The following MACROD2 variants were observed in gnomAD, a reference collection of about 807,000 sequenced individuals.
MACROD2 encodes the protein mono-ADP ribosylhydrolase 2.
A neutral mutation model predicts 70.4 loss-of-function variants in MACROD2; 36 were observed. The ratio of observed to expected loss-of-function variants is 0.51; its 90% confidence interval spans 0.39 to 0.68. The LOEUF (loss-of-function observed/expected upper bound fraction) is 0.68, where lower values mean the gene tolerates loss of function less well. Ranked by LOEUF, MACROD2 falls within the 30% of genes least tolerant of loss-of-function variation. MACROD2 has a pLI of 0.00. For missense variants in MACROD2, 496 were observed against 538.4 expected (o/e 0.92, Z 0.78); for synonymous variants, 172 against 178.8 (o/e 0.96, Z 0.30).
intron 2 of MACROD2, among the ~76,000 whole-genome samples, chr20:14,022,661 T>C (rs2053103465): frequency 6.6e-6 from 1 of 152,160 alleles, no homozygotes. Flanking sequence ...GTTCTCATTT[T>C]TCAACTTCCA....
At position 14,835,013 on chromosome 20, in the gene MACROD2, G is replaced by GAAAC. The variant is rs2073013584; in HGVS notation, c.418+150055_418+150056insAACA. 1.4e-4 allele frequency among the ~76,000 whole-genome samples: 22 copies of GAAAC among 152,060 alleles called. No homozygotes were observed. In the South Asian group the frequency reaches 4.6e-3, roughly 32 times the overall value. On this transcript the variant is annotated intron_variant, in intron 5 of 17. Coordinates refer to ENST00000684519, the MANE Select transcript of MACROD2 (RefSeq NM_001351661.2). The stretch of plus-strand genomic sequence containing the variant: ...TGAGTGAGTGAATGATTGAGAAACA[G>GAAAC]ATAGATTCATCAAAGCTGACTCTCC...
chr20:15,751,878 G>T (rs960891227), intron 8 of MACROD2, among the ~76,000 whole-genome samples: 1 of 146,406 alleles, frequency 6.8e-6, no homozygotes, highest in Non-Finnish European at 1.5e-5. Context: ...TATGTCAGAG[G>T]TTTTTTTTTT....
chr20:14,027,070 T>A (rs963291751), intron 2 of MACROD2, among the ~76,000 whole-genome samples: 1 of 152,224 alleles, frequency 6.6e-6, no homozygotes, highest in Non-Finnish European at 1.5e-5. Context: ...AGTTGTTCCA[T>A]TCTCCCTTCA....
intron 8 of MACROD2, among the ~76,000 whole-genome samples, chr20:15,572,396 A>G (rs1228119382): frequency 6.9e-6 from 1 of 145,398 alleles, no homozygotes. Flanking sequence ...CATCTTTAAA[A>G]TTAACCATTT....
intron 15 of MACROD2, among the ~76,000 whole-genome samples, chr20:15,998,100 T>C (rs1228442739): frequency 6.6e-6 from 1 of 152,220 alleles, no homozygotes; most frequent in African/African-American, 2.4e-5. Flanking sequence ...TGAAATGTTT[T>C]CTATCTATTT....
chr20:14,678,344 T>C (rs1396032686), intron 4 of MACROD2, among the ~76,000 whole-genome samples: 1 of 152,190 alleles, frequency 6.6e-6, no homozygotes, highest in Non-Finnish European at 1.5e-5. Context: ...GTCTTGCTCA[T>C]GTAGCCCAGG....
chr20:14,246,812 C>T (rs6105230), intron 3 of MACROD2, among the ~76,000 whole-genome samples: 1 of 152,160 alleles, frequency 6.6e-6, no homozygotes, highest in Non-Finnish European at 1.5e-5. Flanking sequence ...CTTATTCAGC[C>T]TTCCCTCAAG....
At chr20:14,456,244 T>A (rs1012383934) in intron 3 of MACROD2, among the ~76,000 whole-genome samples, 1 of 151,888 alleles carries the variant, frequency 6.6e-6, no homozygotes, top group African/African-American at 2.4e-5. Flanking sequence ...CAGTAATAGA[T>A]CCCAGGAGTG....
chr20:15,899,527 C>T (rs1184499739), intron 10 of MACROD2, among the ~76,000 whole-genome samples: 1 of 152,122 alleles, frequency 6.6e-6, no homozygotes, highest in South Asian at 2.1e-4. Context: ...AAAACAAACA[C>T]ATATTTTCAT....
intron 5 of MACROD2, among the ~76,000 whole-genome samples, chr20:15,196,184 C>T (rs970893308): frequency 5.9e-5 from 9 of 151,686 alleles, no homozygotes; most frequent in East Asian, 1.9e-4. Context: ...AAACCATCAT[C>T]GCACATGTTT....
At chr20:14,545,071 A>T (rs2085476804) in intron 4 of MACROD2, among the ~76,000 whole-genome samples, 1 of 152,166 alleles carries the variant, frequency 6.6e-6, no homozygotes, top group South Asian at 2.1e-4. Context: ...CTTGATGAAG[A>T]TGGGAACACT....
chr20:14,242,527 A>T (rs962407377), intron 3 of MACROD2, among the ~76,000 whole-genome samples: 1 of 152,170 alleles, frequency 6.6e-6, no homozygotes, highest in Non-Finnish European at 1.5e-5. Context: ...TCACAGCATA[A>T]AGAAATTCTC....
intron 7 of MACROD2, among the ~76,000 whole-genome samples, chr20:15,446,952 A>T (rs2046574178): frequency 6.6e-6 from 1 of 152,120 alleles, no homozygotes; most frequent in African/African-American, 2.4e-5. Context: ...ATATGCATCG[A>T]GTGATCCAGG....
chr20:15,997,166 A>G (rs990681576), intron 15 of MACROD2, among the ~76,000 whole-genome samples: 4 of 152,040 alleles, frequency 2.6e-5, no homozygotes, highest in Non-Finnish European at 5.9e-5. Flanking sequence ...CTCTTTCTCA[A>G]GATTGCTTTG....
At chr20:14,313,214 C>T (rs2082581739) in intron 3 of MACROD2, among the ~76,000 whole-genome samples, 1 of 152,086 alleles carries the variant, frequency 6.6e-6, no homozygotes, top group South Asian at 2.1e-4. Flanking sequence ...ATTCTTAACC[C>T]TCTAGTTTTT....
At chr20:15,704,318 C>A (rs1167807972) in intron 8 of MACROD2, among the ~76,000 whole-genome samples, 1 of 152,080 alleles carries the variant, frequency 6.6e-6, no homozygotes, top group Non-Finnish European at 1.5e-5. Context: ...CAGTTACTCA[C>A]AGATAGGAAA....
chr20:15,251,772 T>G (rs1261250031), intron 6 of MACROD2, among the ~76,000 whole-genome samples: 2 of 152,176 alleles, frequency 1.3e-5, no homozygotes, highest in Non-Finnish European at 2.9e-5. Context: ...TGATTCTTAA[T>G]CAAGTTACTA....
At chr20:14,581,700 A>C (rs6079500) in intron 4 of MACROD2, among the ~76,000 whole-genome samples, 97,684 of 152,044 alleles carry the variant, frequency 0.64, 32,939 homozygotes, top group East Asian at 0.93. Context: ...TTTATGCTTT[A>C]TTTCACATTC....
At chr20:14,720,418 A>AT (rs915968869) in intron 5 of MACROD2, among the ~76,000 whole-genome samples, 9 of 151,868 alleles carry the variant, frequency 5.9e-5, no homozygotes, top group African/African-American at 2.2e-4. Flanking sequence ...ATCCTGAGTA[A>AT]TGTGCTGTTT....
Sources: gnomAD v4.1 joint callset for allele counts (sites outside exome capture counted in the v4.1 genomes callset) on GRCh38, gnomAD v4.1.1 for gene constraint, MANE v1.5 for transcripts, NCBI Gene and HGNC (gene_info 2026-07-23, HGNC 2026-07-21) for gene names.